The following PACRG variants were observed in gnomAD, a reference collection of about 807,000 sequenced individuals.
The protein encoded by PACRG is parkin coregulated gene protein.
A neutral mutation model predicts 29.7 loss-of-function variants in PACRG; 29 were observed. The ratio of observed to expected loss-of-function variants is 0.98; its 90% CI spans 0.73 to 1.33. The LOEUF is 1.33. PACRG is among the 40% of genes most tolerant of loss of function. The pLI is 0.00. For missense variants in PACRG, 279 were observed against 316.2 expected, an observed-to-expected ratio of 0.88 and a Z score of 0.89; for synonymous variants, 116 against 118.7, an observed-to-expected ratio of 0.98 and a Z score of 0.15.
chr6:163,171,701 A>G (rs1562948822), intron 4 of PACRG, among the ~76,000 whole-genome samples: 1 of 152,210 alleles, frequency 6.6e-6, no homozygotes, highest in Non-Finnish European at 1.5e-5. Flanking sequence ...GGGCAGTGAT[A>G]AGGTAGTAGA....
intron 2 of PACRG, among the ~76,000 whole-genome samples, chr6:162,947,364 A>ATATTATCATATATGATATAT (rs373909688): frequency 3.6e-5 from 2 of 55,594 alleles, no homozygotes; most frequent in African/African-American, 1.4e-4. Flanking sequence ...TATATAATGT[A>ATATTATCATATATGATATAT]ATCATATATA....
chr6:162,794,927 A>G (rs1785247454), intron 1 of PACRG, among the ~76,000 whole-genome samples: 1 of 152,172 alleles, frequency 6.6e-6, no homozygotes, highest in Admixed American at 6.5e-5. Flanking sequence ...TATGGAAAAA[A>G]GAGAAAGTGA....
At chr6:163,040,712 T>C (rs1201950446) in intron 2 of PACRG, among the ~76,000 whole-genome samples, 1 of 152,226 alleles carries the variant, frequency 6.6e-6, no homozygotes, top group Non-Finnish European at 1.5e-5. Context: ...TTTCAGACTT[T>C]CATGGGGCCT....
chr6:163,239,502 G>A (rs767445110), intron 4 of PACRG, among the ~76,000 whole-genome samples: 45 of 151,918 alleles, frequency 3.0e-4, no homozygotes, highest in Non-Finnish European at 6.0e-4. Context: ...TCAGAATTTC[G>A]TCCAGGAGTC....
At chr6:162,940,201 A>C (rs1433610876) in intron 2 of PACRG, among the ~76,000 whole-genome samples, 1 of 152,220 alleles carries the variant, frequency 6.6e-6, no homozygotes, top group Non-Finnish European at 1.5e-5. Context: ...AAGATCAGGC[A>C]ACAAATGAGA....
At chr6:162,734,420 G>T (rs1252343143) in intron 1 of PACRG, among the ~76,000 whole-genome samples, 1 of 151,644 alleles carries the variant, frequency 6.6e-6, no homozygotes, top group Non-Finnish European at 1.5e-5. Context: ...CCAGAGAATT[G>T]TTACATTACC....
chr6:163,239,776 CCACACACA>C (rs369286078), intron 4 of PACRG, among the ~76,000 whole-genome samples: 1 of 144,978 alleles, frequency 6.9e-6, no homozygotes, highest in Non-Finnish European at 1.5e-5. Flanking sequence ...ACCTCCACCC[CCACACACA>C]CACACACTCA....
At chr6:162,830,416 C>A (rs992016624) in intron 2 of PACRG, among the ~76,000 whole-genome samples, 1 of 152,180 alleles carries the variant, frequency 6.6e-6, no homozygotes, top group Non-Finnish European at 1.5e-5. Context: ...CCAGGTCTCC[C>A]GCTGGCCTTC....
At chr6:163,310,154 A>G (rs1387012888) in intron 4 of PACRG, 1 of 152,188 alleles carries the variant, frequency 6.6e-6, no homozygotes, top group Non-Finnish European at 1.5e-5. Context: ...CCAAATTTGA[A>G]TTAAATTCTC....
intron 4 of PACRG, among the ~76,000 whole-genome samples, chr6:163,278,593 C>A (rs995020209): frequency 4.6e-5 from 7 of 152,104 alleles, no homozygotes; most frequent in African/African-American, 1.4e-4. Flanking sequence ...AATAGGGTAT[C>A]CTTTCCCCAC....
intron 4 of PACRG, among the ~76,000 whole-genome samples, chr6:163,148,842 C>T (rs1777916976): frequency 6.6e-6 from 1 of 151,862 alleles, no homozygotes; most frequent in South Asian, 2.1e-4. Context: ...TGAGAGATTC[C>T]AGCGCCACTG....
intron 1 of PACRG, among the ~76,000 whole-genome samples, chr6:162,808,977 A>G (rs1786598290): frequency 6.6e-6 from 1 of 152,162 alleles, no homozygotes; most frequent in Admixed American, 6.5e-5. Context: ...TTCCAATAAT[A>G]AGTTCTTTAT....
At chr6:163,213,337 G>T (rs1781231303) in intron 4 of PACRG, among the ~76,000 whole-genome samples, 1 of 151,972 alleles carries the variant, frequency 6.6e-6, no homozygotes, top group Admixed American at 6.6e-5. Flanking sequence ...CTGAAGAACT[G>T]TTTTAGATAG....
chr6:163,051,392 C>T lies in PACRG; in HGVS notation c.292-10758C>T, dbSNP rs549423749. 3.3e-5 allele frequency: 5 copies of T among 151,974 alleles called. No homozygotes were observed. In the East Asian group the frequency reaches 9.7e-4, roughly 30 times the overall value. 9.4% of individuals were successfully genotyped at this position (151,974 alleles called of 1,614,324 possible). On this transcript the variant is annotated intron_variant, in intron 2 of 4. Coordinates refer to ENST00000366888, the MANE Select transcript of PACRG (RefSeq NM_001080379.2). ...TTGCATTTTCTGTGAGTCCCATGTACGAGATTATGCAAGTGTTCATGTTTT... is the reference window on the plus strand; with the variant it reads ...TTGCATTTTCTGTGAGTCCCATGTATGAGATTATGCAAGTGTTCATGTTTT...
intron 2 of PACRG, among the ~76,000 whole-genome samples, chr6:162,856,562 G>T (rs1791417038): frequency 6.6e-6 from 1 of 150,404 alleles, no homozygotes. Flanking sequence ...ATCTAAACAG[G>T]TATCTTAATA....
At chr6:163,298,744 T>C (rs1206502217) in intron 4 of PACRG, among the ~76,000 whole-genome samples, 1 of 152,236 alleles carries the variant, frequency 6.6e-6, no homozygotes, top group Non-Finnish European at 1.5e-5. Context: ...TAGATATCAA[T>C]GTTGAAAATC....
intron 2 of PACRG, among the ~76,000 whole-genome samples, chr6:163,006,875 T>C (rs1307084959): frequency 6.6e-6 from 1 of 152,060 alleles, no homozygotes; most frequent in African/African-American, 2.4e-5. Flanking sequence ...AATGTTGGCT[T>C]CTCTTTTATA....
chr6:162,995,750 C>T (rs1803977745), intron 2 of PACRG, among the ~76,000 whole-genome samples: 1 of 152,236 alleles, frequency 6.6e-6, no homozygotes, highest in Non-Finnish European at 1.5e-5. Flanking sequence ...CCTATTCGGC[C>T]ATCTTGGCTC....
intron 2 of PACRG, among the ~76,000 whole-genome samples, chr6:162,965,173 G>T (rs941431495): frequency 5.3e-5 from 8 of 152,288 alleles, no homozygotes; most frequent in African/African-American, 1.9e-4. Flanking sequence ...GTTAAAGCAG[G>T]AGTATAATAT....
Sources: gnomAD v4.1 joint callset for allele counts (sites outside exome capture counted in the v4.1 genomes callset) on GRCh38, gnomAD v4.1.1 for gene constraint, MANE v1.5 for transcripts, NCBI Gene and HGNC (gene_info 2026-07-23, HGNC 2026-07-21) for gene names.